The following COBL variants were observed in gnomAD, a reference collection of about 807,000 sequenced individuals.
The protein encoded by COBL is cordon-bleu WH2 repeat protein.
A neutral mutation model predicts 98.8 loss-of-function variants in COBL; 51 were observed. That is an observed-to-expected ratio of 0.52 (90% confidence interval 0.41 to 0.65). The LOEUF is 0.65. COBL is among the 30% of genes least tolerant of loss of function. The pLI, the probability that COBL is intolerant of heterozygous loss-of-function variation, is 0.00. For missense variants in COBL, 1,617 were observed against 1,617.5 expected, an observed-to-expected ratio of 1.00 and a Z score of 0.01; for synonymous variants, 634 against 651.7, an observed-to-expected ratio of 0.97 and a Z score of 0.41.
intron 1 of COBL, among the ~76,000 whole-genome samples, chr7:51,305,963 G>T (rs2129209821): frequency 6.6e-6 from 1 of 152,288 alleles, no homozygotes; most frequent in East Asian, 1.9e-4. Context: ...TTGAACCCAG[G>T]AGATAGAGGT....
chr7:51,280,444 G>A lies in COBL; in HGVS notation c.41+36149C>T, dbSNP rs139721484. ...CGCAAAGCTTCAAACACAAAAAGAG[G>A]AAAACTCTTCTCTCGGATCAGAGGA... On this transcript the variant is annotated intron_variant, in intron 1 of 12. Coordinates refer to ENST00000265136, the MANE Select transcript of COBL (RefSeq NM_015198.5). Among the ~76,000 whole-genome samples, 343 of 152,332 alleles carry A rather than the reference G, an allele frequency of 2.3e-3. 4 individuals are homozygous for A. The highest frequency in any genetic ancestry group is 8.1e-3 in the African/African-American group (337 of 41,574).
intron 6 of COBL, among the ~76,000 whole-genome samples, chr7:51,134,137 C>T (rs562417544): frequency 7.4e-4 from 113 of 152,176 alleles, no homozygotes; most frequent in Non-Finnish European, 1.3e-3. Context: ...AAGGAATTGA[C>T]GTTCTTCCCC....
At chr7:51,093,887 C>T (rs1390668096) in intron 6 of COBL, among the ~76,000 whole-genome samples, 1 of 149,944 alleles carries the variant, frequency 6.7e-6, no homozygotes, top group Non-Finnish European at 1.5e-5. Flanking sequence ...GCACCAGGCC[C>T]TGACACCAAA....
chr7:51,223,122 C>G (rs1299049072), intron 1 of COBL, among the ~76,000 whole-genome samples: 1 of 152,238 alleles, frequency 6.6e-6, no homozygotes, highest in Non-Finnish European at 1.5e-5. Context: ...TCAGGCCTGA[C>G]TTTGCTCGGG....
At chr7:51,121,250 G>A (rs1442499904) in intron 6 of COBL, among the ~76,000 whole-genome samples, 1 of 152,182 alleles carries the variant, frequency 6.6e-6, no homozygotes, top group Non-Finnish European at 1.5e-5. Context: ...TTGTGGTTTT[G>A]ATTTGCATTT....
At chr7:51,193,124 G>A (rs1326053659) in intron 3 of COBL, among the ~76,000 whole-genome samples, 1 of 152,176 alleles carries the variant, frequency 6.6e-6, no homozygotes, top group Middle Eastern at 3.2e-3. Context: ...AGGTCTAATG[G>A]ATAGCTCCAC....
chr7:51,188,355 A>C (rs1412075184), intron 4 of COBL, among the ~76,000 whole-genome samples: 1 of 152,268 alleles, frequency 6.6e-6, no homozygotes, highest in Non-Finnish European at 1.5e-5. Flanking sequence ...CTCCTCCAGC[A>C]GTACCCAGCA....
At chr7:51,275,689 G>C (rs1712748212) in intron 1 of COBL, among the ~76,000 whole-genome samples, 1 of 151,922 alleles carries the variant, frequency 6.6e-6, no homozygotes, top group African/African-American at 2.4e-5. Flanking sequence ...CACCAGCCGT[G>C]ACTGCTCTTG....
At chr7:51,152,306 T>A (rs539598090) in intron 5 of COBL, among the ~76,000 whole-genome samples, 98 of 152,348 alleles carry the variant, frequency 6.4e-4, no homozygotes, top group African/African-American at 2.3e-3. Context: ...AAATCAATTA[T>A]TTTGCAATAC....
chr7:51,043,511 C>A lies in COBL; in HGVS notation c.1278G>T (p.Met426Ile), dbSNP rs1216004923. ...IVSLDSQQDS[M>I]KYKDKWATDQ... ...CTGTGGCCCACTTGTCTTTGTATTT[C>A]ATGCTGTCCTGCTGCGAGTCCAGAG... The change falls in exon 8 of 13, where the codon ATG becomes ATT. Residue 426 changes from methionine (M) to isoleucine (I), a missense_variant. Coordinates refer to ENST00000265136, the MANE Select transcript of COBL (RefSeq NM_015198.5). 6 of 1,614,236 alleles carry A rather than the reference C, an allele frequency of 3.7e-6. No homozygotes were observed. Among genetic ancestry groups the A allele is most frequent in the East Asian group, 2.2e-5 (1 of 44,886 alleles).
chr7:51,097,816 G>T (rs541264638), intron 6 of COBL, among the ~76,000 whole-genome samples: 2 of 152,252 alleles, frequency 1.3e-5, no homozygotes, highest in Non-Finnish European at 2.9e-5. Flanking sequence ...AAGGTCAGCA[G>T]ATCGAGACCA....
At chr7:51,111,053 A>T (rs1195465238) in intron 6 of COBL, among the ~76,000 whole-genome samples, 1 of 152,210 alleles carries the variant, frequency 6.6e-6, no homozygotes, top group African/African-American at 2.4e-5. Context: ...GTAGATGCCC[A>T]GTAGTGGGAT....
chr7:51,167,666 G>C (rs1787458887), intron 5 of COBL, among the ~76,000 whole-genome samples: 1 of 152,104 alleles, frequency 6.6e-6, no homozygotes, highest in Non-Finnish European at 1.5e-5. Context: ...CACATTACCT[G>C]ACTTCAAATT....
chr7:51,162,301 A>G (rs1158874553), intron 5 of COBL, among the ~76,000 whole-genome samples: 1 of 152,196 alleles, frequency 6.6e-6, no homozygotes, highest in East Asian at 1.9e-4. Context: ...TCTTTCACAG[A>G]TACAGAAAGG....
At chr7:51,172,667 A>T in intron 5 of COBL, 1 of 343,912 alleles carries the variant, frequency 2.9e-6, no homozygotes, top group Non-Finnish European at 4.7e-6. Context: ...TGTAATCTTT[A>T]CCACTTCTGC....
chr7:51,308,899 G>A (rs972158727), intron 1 of COBL, among the ~76,000 whole-genome samples: 1 of 152,218 alleles, frequency 6.6e-6, no homozygotes, highest in Admixed American at 6.5e-5. Context: ...TAAGATTACA[G>A]TCTAAACGTC....
chr7:51,213,085 C>T lies in COBL; in HGVS notation c.245+6656G>A, dbSNP rs530216002. 1.1e-4 allele frequency among the ~76,000 whole-genome samples: 17 copies of T among 152,258 alleles called. No homozygotes were observed. The South Asian group carries it at 3.1e-3, about 28-fold the overall frequency. On this transcript the variant is annotated intron_variant, in intron 2 of 12. Transcript: ENST00000265136. ...CAAATCTTAAACTGGTCCAGAGTGG[C>T]CTAGTTTCTTGTGTGGGACCAAGGC...
At chr7:51,092,408 G>A (rs913776882) in intron 6 of COBL, among the ~76,000 whole-genome samples, 1 of 152,288 alleles carries the variant, frequency 6.6e-6, no homozygotes, top group Middle Eastern at 3.4e-3. Context: ...CTTTATAGTT[G>A]CAGGCCTTAC....
intron 1 of COBL, among the ~76,000 whole-genome samples, chr7:51,276,175 T>C (rs1472491943): frequency 6.6e-6 from 1 of 152,202 alleles, no homozygotes; most frequent in African/African-American, 2.4e-5. Context: ...TTCACAGATA[T>C]GGGCTGGGTG....
Sources: gnomAD v4.1 joint callset for allele counts (sites outside exome capture counted in the v4.1 genomes callset) on GRCh38, gnomAD v4.1.1 for gene constraint, MANE v1.5 for transcripts, NCBI Gene and HGNC (gene_info 2026-07-23, HGNC 2026-07-21) for gene names.